Variants in PMFBP1 observed in about 807,000 individuals in gnomAD.
The protein encoded by PMFBP1 is polyamine-modulated factor 1-binding protein 1.
In PMFBP1, 131 loss-of-function variants were observed where a neutral mutation model predicts 137.8. The ratio of observed to expected loss-of-function variants is 0.95; its 90% CI spans 0.82 to 1.10. The LOEUF is 1.10. Ranked by LOEUF, PMFBP1 falls within the 50% of genes least tolerant of loss-of-function variation. PMFBP1 has a pLI of 0.00. For missense variants in PMFBP1, 1,199 were observed against 1,175.4 expected (o/e 1.02, Z -0.29); for synonymous variants, 490 against 450.4 (o/e 1.09, Z -1.11).
chr16:72,124,962 G>A (rs1187813484), intron 16 of PMFBP1, 28 bp from the exon 17 acceptor site: 3 of 1,607,224 alleles, frequency 1.9e-6, no homozygotes, highest in East Asian at 4.5e-5. Flanking sequence ...GTGAGGAGGG[G>A]GACTCCAGCT....
At chr16:72,241,937 T>C in the PMFBP1 span, among the ~76,000 whole-genome samples, 1 of 152,202 alleles carries the variant, frequency 6.6e-6, no homozygotes, top group South Asian at 2.1e-4. Context: ...TAATTTATAA[T>C]TAACATAGTC....
In PMFBP1 at chr16:72,156,868, G is replaced by A. The variant is rs191800387; in HGVS notation, c.166-2409C>T. 5.3e-5 allele frequency among the ~76,000 whole-genome samples: 8 copies of A among 152,068 alleles called. No homozygotes were observed. The East Asian group carries it at 7.8e-4, about 15-fold the overall frequency. ...CCTAGTATATCAAGCACTACACTAC[G>A]TAATGGGGATATAGCAGTATATAAA... On this transcript the variant is annotated intron_variant, in intron 3 of 20. Transcript: ENST00000237353.
At chr16:72,127,703 A>G (rs1248292465) in intron 14 of PMFBP1, among the ~76,000 whole-genome samples, 3 of 152,224 alleles carry the variant, frequency 2.0e-5, no homozygotes, top group Admixed American at 6.5e-5. Context: ...TCTGCTGTCA[A>G]TGGTATTAGG....
the PMFBP1 span, among the ~76,000 whole-genome samples, chr16:72,185,118 G>A: frequency 6.6e-6 from 1 of 151,834 alleles, no homozygotes; most frequent in Non-Finnish European, 1.5e-5. Flanking sequence ...CTGCCTCCCA[G>A]GTTCAAGTGA....
chr16:72,241,582 C>G, the PMFBP1 span, among the ~76,000 whole-genome samples: 1 of 152,114 alleles, frequency 6.6e-6, no homozygotes, highest in Non-Finnish European at 1.5e-5. Context: ...CAGTATCTCC[C>G]TCTCTACTTC....
At chr16:72,199,944 ATCT>A in the PMFBP1 span, among the ~76,000 whole-genome samples, 11 of 152,348 alleles carry the variant, frequency 7.2e-5, no homozygotes, top group East Asian at 1.7e-3. Context: ...AACTATGGAA[ATCT>A]TCATGGAGCC....
the PMFBP1 span, among the ~76,000 whole-genome samples, chr16:72,213,259 C>T: frequency 6.6e-5 from 10 of 152,142 alleles, no homozygotes; most frequent in Admixed American, 5.9e-4. Flanking sequence ...TGATCTCAGA[C>T]TCCCCGTAGT....
At chr16:72,178,758 T>C (rs2144545652), upstream of PMFBP1, among the ~76,000 whole-genome samples, 1 of 152,366 alleles carries the variant, frequency 6.6e-6, no homozygotes, top group Middle Eastern at 3.4e-3. Flanking sequence ...AGGTTCATCT[T>C]ATACTTTTCC....
At chr16:72,201,181 C>T in the PMFBP1 span, among the ~76,000 whole-genome samples, 1 of 152,140 alleles carries the variant, frequency 6.6e-6, no homozygotes, top group Non-Finnish European at 1.5e-5. Context: ...TTAACAGTGA[C>T]CTGGAGGGGT....
At chr16:72,245,460 C>T in the PMFBP1 span, among the ~76,000 whole-genome samples, 1 of 152,148 alleles carries the variant, frequency 6.6e-6, no homozygotes, top group Non-Finnish European at 1.5e-5. Context: ...CTCTTAAACG[C>T]TGTAGTTTAG....
intron 2 of PMFBP1, among the ~76,000 whole-genome samples, chr16:72,165,184 C>G (rs17667639): frequency 0.089 from 13,501 of 152,198 alleles, 703 homozygotes; most frequent in Non-Finnish European, 0.12. Flanking sequence ...CCCTGTTTTT[C>G]AAGAGGAAGT....
Position 72,150,825 on chromosome 16 carries a change from A to G in PMFBP1, c.419T>C (p.Ile140Thr), listed in dbSNP as rs767347541. ...ATTTCCCATTTCCTCCTCATAGAGA[A>G]TCACCTGTAGGTGTAGGAATAAATC... Reference protein sequence around the residue: ...HHCKLKEDEVILYEEEMGNHN... With the variant: ...HHCKLKEDEVTLYEEEMGNHN... The change falls in exon 5 of 21, where the codon ATT becomes ACT. Residue 140 changes from isoleucine to threonine, a missense_variant. Coordinates refer to ENST00000237353, the MANE Select transcript of PMFBP1 (RefSeq NM_031293.3). The G allele has an allele frequency of 3.7e-6, 6 of 1,612,876 alleles. No homozygotes were observed. The African/African-American group carries it at 8.0e-5, about 22-fold the overall frequency.
the PMFBP1 span, among the ~76,000 whole-genome samples, chr16:72,222,335 T>C: frequency 6.6e-6 from 1 of 152,198 alleles, no homozygotes; most frequent in Non-Finnish European, 1.5e-5. Context: ...CCAAAGTTCA[T>C]TTCAGGTCAC....
At chr16:72,222,848 G>A in the PMFBP1 span, among the ~76,000 whole-genome samples, 28 of 152,114 alleles carry the variant, frequency 1.8e-4, no homozygotes, top group Non-Finnish European at 3.8e-4. Context: ...GTAAATGTCA[G>A]CAGTTATTAT....
chr16:72,210,793 G>T, the PMFBP1 span, among the ~76,000 whole-genome samples: 2 of 152,154 alleles, frequency 1.3e-5, no homozygotes, highest in Non-Finnish European at 2.9e-5. Flanking sequence ...ACAGTGTTGA[G>T]GTGAAGTCTT....
At chr16:72,119,676 G>T in intron 20 of PMFBP1, 175 bp downstream of exon 20, 3 of 1,453,398 alleles carry the variant, frequency 2.1e-6, no homozygotes, top group South Asian at 1.5e-5. Context: ...ATCAGAAGGG[G>T]TCTTAATTTG....
chr16:72,150,729 G>A lies in PMFBP1; in HGVS notation c.515C>T (p.Ala172Val). ...EQLALAGDKI[A>V]SLERSLNLYR... ...GAGGTTTAAGCTCCTCTCTAGAGAGGCGATCTTGTCCCCGGCCAAGGCGAG... is the reference window on the plus strand; with the variant it reads ...GAGGTTTAAGCTCCTCTCTAGAGAGACGATCTTGTCCCCGGCCAAGGCGAG... The change falls in exon 5 of 21, where the codon GCC (alanine) becomes GTC (valine). Residue 172 changes from alanine to valine, a missense_variant. Transcript: ENST00000237353. The A allele has an allele frequency of 1.2e-6, 2 of 1,614,220 alleles. No individual in the cohort carries two copies. The highest frequency in any genetic ancestry group is 1.7e-6 in the Non-Finnish European group (2 of 1,180,032).
intron 4 of PMFBP1, among the ~76,000 whole-genome samples, chr16:72,151,898 G>C (rs942782597): frequency 2.0e-5 from 3 of 152,158 alleles, no homozygotes; most frequent in African/African-American, 4.8e-5. Context: ...AGAGAGGCAA[G>C]ACAGGGTAGG....
At chr16:72,159,345 G>A (rs1266776991) in intron 3 of PMFBP1, among the ~76,000 whole-genome samples, 6 of 152,162 alleles carry the variant, frequency 3.9e-5, no homozygotes, top group South Asian at 2.1e-4. Context: ...AGCCTGGCAG[G>A]GATACTGGTG....
Sources: gnomAD v4.1 joint callset for allele counts (sites outside exome capture counted in the v4.1 genomes callset) on GRCh38, gnomAD v4.1.1 for gene constraint, MANE v1.5 for transcripts, NCBI Gene and HGNC (gene_info 2026-07-23, HGNC 2026-07-21) for gene names.